Variants in PRKG1 observed in about 807,000 individuals in gnomAD.
The protein encoded by PRKG1 is protein kinase cGMP-dependent 1, also known as cGMP-dependent protein kinase 1.
Under a neutral mutation model 88.1 loss-of-function variants are expected in PRKG1, and 35 were observed. The ratio of observed to expected loss-of-function variants is 0.40; its 90% CI spans 0.30 to 0.53. The LOEUF is 0.53. Among genes scored for constraint, PRKG1 ranks in the 20% least tolerant of loss-of-function variants. The pLI is 0.59. For synonymous variants in PRKG1, 303 were observed against 292.5 expected (o/e 1.04, Z -0.37); for missense variants, 540 against 839.8 (o/e 0.64, Z 4.41).
chr10:51,621,467 T>A (rs760154557), intron 3 of PRKG1, among the ~76,000 whole-genome samples: 1 of 152,086 alleles, frequency 6.6e-6, no homozygotes, highest in Non-Finnish European at 1.5e-5. Context: ...CATTTGAAAA[T>A]TTGAGAGATG....
At chr10:51,686,735 A>T (rs1377321622) in intron 3 of PRKG1, among the ~76,000 whole-genome samples, 2 of 151,952 alleles carry the variant, frequency 1.3e-5, no homozygotes, top group African/African-American at 4.8e-5. Flanking sequence ...TTTCTTTACA[A>T]CCTTTTTTGT....
chr10:51,875,027 T>C (rs1841258893), intron 4 of PRKG1, among the ~76,000 whole-genome samples: 1 of 152,166 alleles, frequency 6.6e-6, no homozygotes, highest in Non-Finnish European at 1.5e-5. Context: ...AAAGTGGTAA[T>C]TATCATAATA....
At chr10:51,708,570 G>C (rs184588026) in intron 3 of PRKG1, among the ~76,000 whole-genome samples, 136 of 152,154 alleles carry the variant, frequency 8.9e-4, no homozygotes, top group African/African-American at 3.2e-3. Context: ...TACATTTGTG[G>C]TGGTTTTCCT....
At chr10:51,939,180 G>T (rs918687955) in intron 5 of PRKG1, among the ~76,000 whole-genome samples, 3 of 151,850 alleles carry the variant, frequency 2.0e-5, no homozygotes, top group Non-Finnish European at 2.9e-5. Context: ...CACATTAATT[G>T]CCAGAATTGA....
chr10:52,026,925 A>G (rs2133202688), intron 5 of PRKG1, among the ~76,000 whole-genome samples: 1 of 152,296 alleles, frequency 6.6e-6, no homozygotes, highest in South Asian at 2.1e-4. Context: ...CAATGAGCCG[A>G]GATCGCTCGC....
intron 9 of PRKG1, among the ~76,000 whole-genome samples, chr10:52,233,199 AG>A (rs1422237263): frequency 6.9e-5 from 9 of 129,558 alleles, no homozygotes; most frequent in Middle Eastern, 3.9e-3. Flanking sequence ...AAAAAAAAAG[AG>A]AGAGAGAGAG....
chr10:51,075,807 A>G (rs1843936603), intron 1 of PRKG1, among the ~76,000 whole-genome samples: 2 of 152,240 alleles, frequency 1.3e-5, no homozygotes, highest in African/African-American at 4.8e-5. Flanking sequence ...GAAAAATTTA[A>G]TGAAACTTGT....
rs1218205108 is a variant in PRKG1 at position 51,812,587 on chromosome 10, CT to C, written c.698+7904del. Among the ~76,000 whole-genome samples the C allele has an allele frequency of 2.6e-5, 4 of 152,054 alleles. No individual in the cohort carries two copies. The East Asian group carries it at 7.7e-4, about 29-fold the overall frequency. ...GCAGACCACCAACGAGTGACCATGA[CT>C]TTTTTTGGTGCAAGTTTGCTTTGGA... is the stretch of plus-strand genomic sequence containing the variant. On this transcript the variant is annotated intron_variant, in intron 4 of 17. Coordinates refer to ENST00000373980, the MANE Select transcript of PRKG1 (RefSeq NM_006258.4).
chr10:51,372,364 T>C (rs549830939), intron 2 of PRKG1, among the ~76,000 whole-genome samples: 1 of 152,324 alleles, frequency 6.6e-6, no homozygotes, highest in East Asian at 1.9e-4. Flanking sequence ...GAGTTCTTTA[T>C]CTTGTATCCA....
intron 2 of PRKG1, among the ~76,000 whole-genome samples, chr10:51,247,324 G>C (rs1162475086): frequency 1.3e-5 from 2 of 151,860 alleles, no homozygotes; most frequent in Non-Finnish European, 2.9e-5. Flanking sequence ...AAAAATGCAA[G>C]AGAAGAAAGG....
intron 4 of PRKG1, among the ~76,000 whole-genome samples, chr10:51,811,276 T>C (rs1839449413): frequency 6.6e-6 from 1 of 152,180 alleles, no homozygotes; most frequent in South Asian, 2.1e-4. Context: ...CAATATTATA[T>C]AAACTTTTGT....
rs1405161119 is a variant in PRKG1 at position 51,907,541 on chromosome 10, C to T, written c.733C>T (p.Leu245Phe). 1.9e-6 allele frequency: 3 copies of T among 1,613,526 alleles called. No individual in the cohort carries two copies. The highest frequency in any genetic ancestry group is 2.5e-6 in the Non-Finnish European group (3 of 1,179,660). Residue 245 changes from leucine to phenylalanine, a missense_variant, in exon 5 of 18, where the codon CTC becomes TTC. Coordinates refer to ENST00000373980, the MANE Select transcript of PRKG1 (RefSeq NM_006258.4). ...ATTCCAGAGCCTTCCTGAAGAGATC[C>T]TCAGCAAGCTTGCTGATGTCCTTGA... is the stretch of plus-strand genomic sequence containing the variant. ...PTFQSLPEEI[L>F]SKLADVLEET...
At chr10:51,426,003 C>T (rs555835846) in intron 2 of PRKG1, among the ~76,000 whole-genome samples, 22 of 152,224 alleles carry the variant, frequency 1.4e-4, no homozygotes, top group African/African-American at 4.8e-4. Context: ...CAGCTAGGAG[C>T]GGTGGCTCAT....
rs1841809659 is a variant in PRKG1 at position 51,334,152 on chromosome 10, T to TCTCTC, written c.479-133571_479-133570insCTCTC. 5.8e-5 allele frequency among the ~76,000 whole-genome samples: 8 copies of TCTCTC among 137,234 alleles called. No individual in the cohort carries two copies. In the East Asian group the frequency reaches 6.6e-4, roughly 11 times the overall value. 90.0% of individuals were successfully genotyped at this position (137,234 alleles called of 152,430 possible). On this transcript the variant is annotated intron_variant, in intron 2 of 17. Transcript: ENST00000373980. ...GCCCTTCCTTTCTTTCTCTCTCTCTTTCTCTCTCTCTCTCTCTCTCTCTCT... is the reference window on the plus strand; with the variant it reads ...GCCCTTCCTTTCTTTCTCTCTCTCTTCTCTCTCTCTCTCTCTCTCTCTCTCTCTCT...
intron 8 of PRKG1, among the ~76,000 whole-genome samples, chr10:52,135,871 A>T (rs930893937): frequency 3.3e-5 from 5 of 152,084 alleles, no homozygotes; most frequent in African/African-American, 9.7e-5. Flanking sequence ...ACAGAATTGC[A>T]TGAAAGAATC....
intron 3 of PRKG1, among the ~76,000 whole-genome samples, chr10:51,775,815 C>A (rs1838420478): frequency 6.6e-6 from 1 of 152,044 alleles, no homozygotes; most frequent in South Asian, 2.1e-4. Context: ...AACTCCTGAC[C>A]TTAAGAGATT....
chr10:51,410,939 T>C (rs1838067927), intron 2 of PRKG1, among the ~76,000 whole-genome samples: 1 of 152,046 alleles, frequency 6.6e-6, no homozygotes, highest in Non-Finnish European at 1.5e-5. Flanking sequence ...AAATCGGATG[T>C]ACACAAATTT....
chr10:51,436,556 G>A (rs537184995), intron 2 of PRKG1, among the ~76,000 whole-genome samples: 1 of 152,098 alleles, frequency 6.6e-6, no homozygotes, highest in East Asian at 1.9e-4. Context: ...AACTTTGCCT[G>A]TCACACTGAA....
At chr10:52,045,721 C>A (rs1425840072) in intron 5 of PRKG1, among the ~76,000 whole-genome samples, 2 of 151,772 alleles carry the variant, frequency 1.3e-5, no homozygotes, top group Non-Finnish European at 2.9e-5. Flanking sequence ...GAAAAAAAAA[C>A]AATTTTTTGT....
Sources: gnomAD v4.1 joint callset for allele counts (sites outside exome capture counted in the v4.1 genomes callset) on GRCh38, gnomAD v4.1.1 for gene constraint, MANE v1.5 for transcripts, NCBI Gene and HGNC (gene_info 2026-07-23, HGNC 2026-07-21) for gene names.